Variants in ESYT2 observed in about 807,000 individuals in gnomAD.
The protein encoded by ESYT2 is extended synaptotagmin 2.
Under a neutral mutation model 107.2 loss-of-function variants are expected in ESYT2, and 54 were observed. The ratio of observed to expected loss-of-function variants is 0.50; its 90% CI spans 0.40 to 0.63. The LOEUF (loss-of-function observed/expected upper bound fraction) is 0.63. ESYT2 is among the 30% of genes least tolerant of loss of function. The probability of loss-of-function intolerance (pLI) is 0.00; values close to 1 mark genes in which losing one functional copy is unlikely to be tolerated. For missense variants in ESYT2, 1,020 were observed against 1,094.5 expected (o/e 0.93, Z 0.96); for synonymous variants, 491 against 434.1 (o/e 1.13, Z -1.63).
chr7:158,739,797 C>CA (rs1554579967), intron 18 of ESYT2, among the ~76,000 whole-genome samples: 3 of 140,600 alleles, frequency 2.1e-5, no homozygotes, highest in Non-Finnish European at 3.0e-5. Flanking sequence ...TTTATACCCC[C>CA]CCCTTCGCAG....
At chr7:158,786,897 A>G (rs2129473176) in intron 6 of ESYT2, among the ~76,000 whole-genome samples, 1 of 152,346 alleles carries the variant, frequency 6.6e-6, no homozygotes, top group Admixed American at 6.5e-5. Flanking sequence ...TCAAAGAGCT[A>G]ACAATAACTG....
rs1175529876 is a variant in ESYT2 at position 158,796,701 on chromosome 7, G to A, written c.507+1241C>T. 2.0e-5 allele frequency among the ~76,000 whole-genome samples: 3 copies of A among 152,304 alleles called. No individual in the cohort carries two copies. In the East Asian group the frequency reaches 5.8e-4, roughly 29 times the overall value. On this transcript the variant is annotated intron_variant, in intron 3 of 22. Coordinates refer to ENST00000275418, the MANE Select transcript of ESYT2 (RefSeq NM_001367773.1). Reference sequence around the variant, plus strand: ...ACCGCGGACAAGAAGGCAGCAGGATGGCCTCCCGGCAGATGGGAAGGGGCA... The same window carrying A: ...ACCGCGGACAAGAAGGCAGCAGGATAGCCTCCCGGCAGATGGGAAGGGGCA...
chr7:158,734,275 G>A (rs1336697160), intron 22 of ESYT2, 23 bp from the exon 23 acceptor site: 2 of 1,614,090 alleles, frequency 1.2e-6, no homozygotes, highest in South Asian at 2.2e-5. Flanking sequence ...GTGACAGGAA[G>A]GTGGTGACGG....
chr7:158,750,558 T>C (rs988582633), intron 14 of ESYT2, among the ~76,000 whole-genome samples: 1 of 152,316 alleles, frequency 6.6e-6, no homozygotes, highest in African/African-American at 2.4e-5. Flanking sequence ...GTCAAAATCC[T>C]ATCATTATTG....
intron 6 of ESYT2, among the ~76,000 whole-genome samples, chr7:158,778,932 T>C (rs1838668074): frequency 1.3e-5 from 2 of 152,040 alleles, no homozygotes; most frequent in Admixed American, 1.3e-4. Context: ...GAACAGAAGA[T>C]GTAACTTTAC....
intron 13 of ESYT2, among the ~76,000 whole-genome samples, chr7:158,758,844 G>A (rs1837858342): frequency 1.3e-5 from 2 of 152,204 alleles, no homozygotes; most frequent in South Asian, 2.1e-4. Flanking sequence ...TTCCTTTTCT[G>A]TGGTTACGGT....
intron 1 of ESYT2, among the ~76,000 whole-genome samples, chr7:158,808,884 G>A (rs1005175957): frequency 2.0e-5 from 3 of 152,018 alleles, no homozygotes; most frequent in Middle Eastern, 6.8e-3. Flanking sequence ...GCTGAGCCAC[G>A]AGAATTGCTT....
At chr7:158,759,176 C>T (rs1837872895) in intron 13 of ESYT2, among the ~76,000 whole-genome samples, 1 of 152,232 alleles carries the variant, frequency 6.6e-6, no homozygotes, top group Admixed American at 6.5e-5. Context: ...GAGACAATTT[C>T]CATCCTAAGG....
At chr7:158,792,321 C>G (rs1487989771) in intron 4 of ESYT2, among the ~76,000 whole-genome samples, 1 of 150,450 alleles carries the variant, frequency 6.6e-6, no homozygotes, top group Non-Finnish European at 1.5e-5. Flanking sequence ...CCCAGGAGTT[C>G]GAGACTAGCC....
At chr7:158,739,317 AAATT>A (rs1178580829) in intron 18 of ESYT2, among the ~76,000 whole-genome samples, 196 bp from the exon 19 acceptor site, 1 of 152,202 alleles carries the variant, frequency 6.6e-6, no homozygotes, top group Non-Finnish European at 1.5e-5. Flanking sequence ...GGTTCAATAT[AAATT>A]AATTATTCAA....
Position 158,735,626 on chromosome 7 carries a change from A to G in ESYT2, c.2400-18T>C, listed in dbSNP as rs1237494751. ...AATCAAAGCTGAAATAGGAAACGAG[A>G]GCCTTACTTTATCCATCATTCTGCT... On this transcript the variant is annotated intron_variant, in intron 20 of 22. Transcript: ENST00000275418. 6.3e-7 allele frequency: 1 copy of G among 1,597,838 alleles called. No individual in the cohort carries two copies.
At position 158,798,047 on chromosome 7, in the gene ESYT2, G is replaced by T; in HGVS notation, c.402C>A (p.Cys134Ter). Reference sequence around the variant, plus strand: ...CTCGAAACAACTTCTCTATAAATTGGCAAATGAAAGGCCACATGTGTTTTA... The same window carrying T: ...CTCGAAACAACTTCTCTATAAATTGTCAAATGAAAGGCCACATGTGTTTTA... Reference protein sequence around the residue: ...KTVKHMWPFICQFIEKLFRET... With the variant: ...KTVKHMWPFI Residue 134 changes from cysteine to a stop codon, truncating the protein, a stop_gained, in exon 3 of 23, where the codon TGC becomes TGA. Coordinates refer to ENST00000275418, the MANE Select transcript of ESYT2 (RefSeq NM_001367773.1). LOFTEE classifies it high-confidence loss of function. 6.2e-7 allele frequency: 1 copy of T among 1,614,068 alleles called. No homozygotes were observed.
At chr7:158,801,450 C>G (rs1055100181) in intron 1 of ESYT2, among the ~76,000 whole-genome samples, 1 of 152,158 alleles carries the variant, frequency 6.6e-6, no homozygotes, top group Non-Finnish European at 1.5e-5. Flanking sequence ...ATTTTAAATT[C>G]TGTTCACTAA....
intron 6 of ESYT2, among the ~76,000 whole-genome samples, chr7:158,778,223 A>G (rs1217482956): frequency 6.6e-6 from 1 of 152,188 alleles, no homozygotes; most frequent in African/African-American, 2.4e-5. Context: ...TTATCTTTCA[A>G]GGAGAAGTCT....
chr7:158,790,189 G>T (rs1241594142), intron 4 of ESYT2, among the ~76,000 whole-genome samples: 1 of 152,188 alleles, frequency 6.6e-6, no homozygotes, highest in Non-Finnish European at 1.5e-5. Flanking sequence ...CCATATTAAA[G>T]AAAGTCTATG....
intron 1 of ESYT2, among the ~76,000 whole-genome samples, chr7:158,806,789 G>A (rs1024290180): frequency 1.3e-5 from 2 of 152,074 alleles, no homozygotes; most frequent in African/African-American, 4.8e-5. Flanking sequence ...TCCAAGAATA[G>A]GAAATCTGTC....
At chr7:158,780,241 G>T (rs1478043679) in intron 6 of ESYT2, among the ~76,000 whole-genome samples, 1 of 152,172 alleles carries the variant, frequency 6.6e-6, no homozygotes, top group Non-Finnish European at 1.5e-5. Context: ...ATGCACAGAG[G>T]CCACACGCCA....
At chr7:158,811,820 A>T (rs979882045) in intron 1 of ESYT2, among the ~76,000 whole-genome samples, 4 of 152,208 alleles carry the variant, frequency 2.6e-5, no homozygotes, top group Non-Finnish European at 4.4e-5. Context: ...TCAGCTAAAC[A>T]ACCAGAATCT....
intron 10 of ESYT2, among the ~76,000 whole-genome samples, chr7:158,762,493 T>C (rs2129472163): frequency 6.6e-6 from 1 of 152,356 alleles, no homozygotes; most frequent in South Asian, 2.1e-4. Context: ...ACATCTTTTT[T>C]GCCACAATTT....
Sources: allele counts gnomAD v4.1 joint callset (sites outside exome capture counted in the v4.1 genomes callset), GRCh38; gene constraint gnomAD v4.1.1; transcripts MANE v1.5; gene names NCBI Gene and HGNC (gene_info 2026-07-23, HGNC 2026-07-21).